NAALAD2: variants seen among roughly 807,000 people sequenced by gnomAD.
The protein encoded by NAALAD2 is N-acetylated alpha-linked acidic dipeptidase 2.
Under a neutral mutation model 95.6 loss-of-function variants are expected in NAALAD2, and 89 were observed. The observed-to-expected ratio is 0.93, with a 90% CI of 0.78 to 1.11. The LOEUF (loss-of-function observed/expected upper bound fraction) is 1.11, where lower values mean the gene tolerates loss of function less well. Ranked by LOEUF, NAALAD2 falls within the 50% of genes least tolerant of loss-of-function variation. The probability of loss-of-function intolerance (pLI) is 0.00; values close to 1 mark genes in which losing one functional copy is unlikely to be tolerated. For synonymous variants in NAALAD2, 264 were observed against 294.4 expected, an observed-to-expected ratio of 0.90 and a Z score of 1.06; for missense variants, 894 against 872.4, an observed-to-expected ratio of 1.02 and a Z score of -0.31.
rs557102428 is a variant in NAALAD2 at position 90,163,370 on chromosome 11, C to T, written c.1136C>T (p.Thr379Ile). The T allele has an allele frequency of 7.4e-6, 12 of 1,613,964 alleles. 1 individual carries two copies. In the South Asian group the frequency reaches 1.2e-4, roughly 16 times the overall value. ...TGGGTATTTGGAGCTATTGACCCAA[C>T]CAGTGGGGTTGCTGTTTTGCAAGAA... is the stretch of plus-strand genomic sequence containing the variant. Reference protein sequence around the residue: ...DSWVFGAIDPTSGVAVLQEIA... With the variant: ...DSWVFGAIDPISGVAVLQEIA... Residue 379 changes from threonine to isoleucine, a missense_variant, in exon 10 of 19, where the codon ACC becomes ATC. Physicochemically the swap from Thr to Ile is moderately conservative, Grantham distance 89. Transcript: ENST00000534061.
chr11:90,143,040 T>C (rs1239839543), intron 2 of NAALAD2, among the ~76,000 whole-genome samples: 1 of 152,128 alleles, frequency 6.6e-6, no homozygotes, highest in Non-Finnish European at 1.5e-5. Flanking sequence ...TCATATGTAT[T>C]ATACATACAT....
chr11:90,175,892 G>A (rs1314353115), intron 14 of NAALAD2, 80 bp from the exon 15 acceptor site: 3 of 794,936 alleles, frequency 3.8e-6, no homozygotes, highest in Non-Finnish European at 6.3e-6. Flanking sequence ...AGGATTCCTT[G>A]TCCCATCTAT....
rs529226056 is a variant in NAALAD2, at chr11:90,173,861, T to G, written c.1448T>G (p.Leu483Arg). ...SPDDGFESKS[L>R]YESWLEKDPS... ...GATGATGGGTTTGAGAGTAAATCAC[T>G]GTATGAAAGCTGGTTGGAAAAAGAC... is the stretch of plus-strand genomic sequence containing the variant. Residue 483 changes from leucine (L) to arginine (R), a missense_variant, in exon 14 of 19, where the codon CTG (leucine) becomes CGG (arginine). Physicochemically the swap from Leu to Arg is moderately radical, Grantham distance 102. Transcript: ENST00000534061. 6.2e-6 allele frequency: 10 copies of G among 1,613,126 alleles called. No homozygotes were observed. The highest frequency in any genetic ancestry group is 4.2e-6 in the Non-Finnish European group (5 of 1,179,626).
At chr11:90,155,277 A>T (rs1477877662) in intron 6 of NAALAD2, among the ~76,000 whole-genome samples, 1 of 119,736 alleles carries the variant, frequency 8.4e-6, no homozygotes, top group African/African-American at 3.1e-5. Context: ...GAATGTATAT[A>T]TTATATATGC....
chr11:90,178,298 A>G (rs1034551469), intron 16 of NAALAD2, among the ~76,000 whole-genome samples, 181 bp downstream of exon 16: 1 of 152,226 alleles, frequency 6.6e-6, no homozygotes, highest in Non-Finnish European at 1.5e-5. Flanking sequence ...TCTGGCATGT[A>G]TAGAATGAAT....
chr11:90,188,533 G>T (rs1046586257), intron 18 of NAALAD2, among the ~76,000 whole-genome samples: 1 of 152,130 alleles, frequency 6.6e-6, no homozygotes, highest in Admixed American at 6.5e-5. Context: ...ATGAGCACCT[G>T]TCCCATATAT....
intron 14 of NAALAD2, among the ~76,000 whole-genome samples, chr11:90,174,745 T>A (rs1952737828): frequency 1.3e-5 from 2 of 152,034 alleles, no homozygotes; most frequent in South Asian, 4.1e-4. Flanking sequence ...TTTTCTTTTT[T>A]CTAAACATTA....
intron 15 of NAALAD2, among the ~76,000 whole-genome samples, chr11:90,177,004 T>C (rs1046169160): frequency 1.3e-5 from 2 of 152,110 alleles, no homozygotes; most frequent in Non-Finnish European, 2.9e-5. Context: ...TAAGACCACT[T>C]TAGATTAGAA....
intron 5 of NAALAD2, among the ~76,000 whole-genome samples, chr11:90,151,075 A>G (rs890782186): frequency 2.6e-5 from 4 of 151,748 alleles, no homozygotes; most frequent in African/African-American, 9.7e-5. Context: ...TCATGTCCAC[A>G]TGTTGAGAGT....
Position 90,168,933 on chromosome 11 carries a change from A to G in NAALAD2, c.1283A>G (p.Asn428Ser). The change falls in exon 12 of 19, where the codon AAT becomes AGT. Residue 428 changes from asparagine (N) to serine (S), a missense_variant. Coordinates refer to ENST00000534061, the MANE Select transcript of NAALAD2 (RefSeq NM_005467.4). ...ACAACTTTGCTTCAACTACAGGAGA[A>G]TGTCAAAATACTCCAGGAGAGAAGC... ...LLGSTEWAEE[N>S]VKILQERSIA... 2 of 1,607,174 alleles carry G rather than the reference A, an allele frequency of 1.2e-6. No individual in the cohort carries two copies. The highest frequency in any genetic ancestry group is 1.1e-5 in the South Asian group (1 of 89,430).
At chr11:90,163,135 T>C (rs1446295311) in intron 9 of NAALAD2, 101 bp downstream of exon 9, 1 of 1,210,120 alleles carries the variant, frequency 8.3e-7, no homozygotes, top group South Asian at 1.6e-5. Context: ...TTTTGGCTGA[T>C]TTGAAACTAC....
chr11:90,151,880 T>C (rs899485813), intron 5 of NAALAD2, among the ~76,000 whole-genome samples: 2 of 152,170 alleles, frequency 1.3e-5, no homozygotes, highest in Non-Finnish European at 2.9e-5. Context: ...CTCTATGATG[T>C]GCGAGATTTT....
At chr11:90,168,901 TTAAG>T in intron 11 of NAALAD2, 24 bp from the exon 12 acceptor site, 1 of 1,562,410 alleles carries the variant, frequency 6.4e-7, no homozygotes, top group Non-Finnish European at 8.7e-7. Context: ...GTAATGTGAA[TTAAG>T]TAACAACTTT....
intron 14 of NAALAD2, 97 bp downstream of exon 14, chr11:90,174,012 C>T (rs1410931428): frequency 1.2e-6 from 1 of 857,980 alleles, no homozygotes; most frequent in African/African-American, 1.7e-5. Flanking sequence ...AGCGTCTCAT[C>T]AATAATTTGA....
At chr11:90,168,136 G>A (rs1050207618) in intron 11 of NAALAD2, among the ~76,000 whole-genome samples, 17 of 152,162 alleles carry the variant, frequency 1.1e-4, no homozygotes, top group Non-Finnish European at 2.1e-4. Flanking sequence ...CAGGAGGAAG[G>A]AACAACTCCA....
intron 11 of NAALAD2, among the ~76,000 whole-genome samples, chr11:90,167,990 G>A (rs28891088): frequency 0.2 from 30,332 of 152,108 alleles, 3,449 homozygotes; most frequent in African/African-American, 0.3. Context: ...CTTCCACGTT[G>A]TGAAAGATTT....
intron 3 of NAALAD2, among the ~76,000 whole-genome samples, chr11:90,148,752 C>A (rs1951814128): frequency 6.6e-6 from 1 of 152,108 alleles, no homozygotes; most frequent in Admixed American, 6.5e-5. Context: ...AAAGTGCCAC[C>A]TTTGAAGCTC....
intron 8 of NAALAD2, 115 bp from the exon 9 acceptor site, chr11:90,162,834 G>T: frequency 1.7e-6 from 1 of 577,278 alleles, no homozygotes; most frequent in Non-Finnish European, 3.0e-6. Context: ...AATCCATTAT[G>T]CTATTGCACA....
Position 90,177,933 on chromosome 11 carries a change from C to A in NAALAD2, c.1674C>A (p.Pro558=). The A allele has an allele frequency of 6.2e-7, 1 of 1,613,702 alleles. No homozygotes were observed. The highest frequency in any genetic ancestry group is 8.5e-7 in the Non-Finnish European group (1 of 1,179,908). Residue 558 remains proline (P), a synonymous_variant, in exon 16 of 19, where the codon CCC becomes CCA. Transcript: ENST00000534061. ...AATTGGTAGAGAAATTTTATGACCC[C>A]ACATTTAAAAAACAACTTTCTGTGG... ...TFELVEKFYD[P]TFKKQLSVAQ...
Sources: gnomAD v4.1 joint callset for allele counts (sites outside exome capture counted in the v4.1 genomes callset) on GRCh38, gnomAD v4.1.1 for gene constraint, MANE v1.5 for transcripts, NCBI Gene and HGNC (gene_info 2026-07-23, HGNC 2026-07-21) for gene names.